Variants in SUN2 observed in about 807,000 individuals in gnomAD.
SUN2 encodes Sad1 and UNC84 domain containing 2.
A neutral mutation model predicts 100.0 loss-of-function variants in SUN2; 60 were observed. The ratio of observed to expected loss-of-function variants is 0.60; its 90% CI spans 0.49 to 0.74. SUN2 has a LOEUF of 0.74. Among genes scored for constraint, SUN2 ranks in the 30% least tolerant of loss-of-function variants. The pLI is 0.00. For synonymous variants in SUN2, 367 were observed against 403.3 expected (o/e 0.91, Z 1.08); for missense variants, 834 against 954.6 (o/e 0.87, Z 1.66).
At position 38,740,995 on chromosome 22, in the gene SUN2, G is replaced by A; in HGVS notation, c.1190+12C>T. ...GAGGAGCAGGCCGAGGCCAGCTGGT[G>A]GCGCCCAGTACCTTTGCCACTCTGA... On this transcript the variant is annotated intron_variant, in intron 11 of 17. Coordinates refer to ENST00000689035, the MANE Select transcript of SUN2 (RefSeq NM_015374.3). The surrounding 1 kb of genome is among the most constrained non-coding windows in gnomAD (Gnocchi z 4.8). 6.3e-7 allele frequency: 1 copy of A among 1,587,954 alleles called. No individual in the cohort carries two copies. Among genetic ancestry groups the A allele is most frequent in the Non-Finnish European group, 8.6e-7 (1 of 1,167,286 alleles).
At chr22:38,750,362 G>A (rs375926523) in intron 4 of SUN2, 42 bp from the exon 5 acceptor site, 6 of 1,610,650 alleles carry the variant, frequency 3.7e-6, no homozygotes, top group South Asian at 1.1e-5. Flanking sequence ...TGTCACTTTC[G>A]AGCCTCTTCC....
Position 38,738,211 on chromosome 22 carries a change from CG to C in SUN2, c.2001del (p.Tyr667Ter). 6.2e-7 allele frequency: 1 copy of C among 1,613,956 alleles called. No individual in the cohort carries two copies. The highest frequency in any genetic ancestry group is 8.5e-7 in the Non-Finnish European group (1 of 1,180,000). ...QEGTLLGKFT[Y>X]DQDGEPIQTF... is the part of the protein sequence containing the mutation. ...GTCTGAATAGGCTCGCCGTCCTGAT[CG>C]TAAGTGAACTTGCCAAGGAGTGTCC... is the stretch of plus-strand genomic sequence containing the variant. On this transcript the variant is annotated frameshift_variant, in exon 17 of 18. Coordinates refer to ENST00000689035, the MANE Select transcript of SUN2 (RefSeq NM_015374.3). LOFTEE classifies it high-confidence loss of function. This position sits in a 1 kb window ranked among gnomAD's most constrained non-coding sequence, Gnocchi z 6.6.
At chr22:38,752,370 ACGGGGGCCCACGTCCTT>A in intron 2 of SUN2, 120 bp downstream of exon 2, 1 of 1,077,854 alleles carries the variant, frequency 9.3e-7, no homozygotes, top group Non-Finnish European at 1.3e-6. Context: ...CCTCGACCGG[ACGGGGGCCCACGTCCTT>A]CGATTTCCAC....
chr22:38,745,257 C>T (rs2092894269), intron 8 of SUN2: 1 of 461,806 alleles, frequency 2.2e-6, no homozygotes, highest in Admixed American at 2.4e-5. Context: ...CTGACCCCCC[C>T]AGCCAACTGC....
chr22:38,751,957 T>G (rs1244189687), intron 2 of SUN2, among the ~76,000 whole-genome samples: 4 of 152,216 alleles, frequency 2.6e-5, no homozygotes, highest in Non-Finnish European at 5.9e-5. Context: ...CTCCACTTCC[T>G]GTTTTCTTTC....
rs765349723 is a variant in SUN2, at chr22:38,739,898, C to T, written c.1402G>A (p.Gly468Ser). The change falls in exon 13 of 18, where the codon GGT (glycine) becomes AGT (serine). Residue 468 changes from glycine (G) to serine (S), a missense_variant. Gly to Ser is a moderately conservative substitution (Grantham distance 56, BLOSUM62 0). Coordinates refer to ENST00000689035, the MANE Select transcript of SUN2 (RefSeq NM_015374.3). The surrounding 1 kb of genome is among the most constrained non-coding windows in gnomAD (Gnocchi z 6.7). ...AGGAGCCCCACGCGGCCCCCTCCAC[C>T]TCGGGCAAGGAACTGACTGATCCAG... ...PAWISQFLAR[G>S]GGGRVGLLQR... is the part of the protein sequence containing the mutation. The T allele has an allele frequency of 3.1e-6, 5 of 1,612,936 alleles. No homozygotes were observed. In the South Asian group the frequency reaches 3.3e-5, roughly 11 times the overall value.
Position 38,748,788 on chromosome 22 carries a change from A to G in SUN2, c.615-5T>C. ...GTCTTCAGGGACGAGAAGCGCCTGG[A>G]CCACGCGGGAGGGCAGGACGGGGGA... is the stretch of plus-strand genomic sequence containing the variant. On this transcript the variant is annotated splice_region_variant and splice_polypyrimidine_tract_variant and intron_variant, in intron 6 of 17. Transcript: ENST00000689035. The G allele has an allele frequency of 6.2e-7, 1 of 1,614,176 alleles. No homozygotes were observed. Among genetic ancestry groups the G allele is most frequent in the Non-Finnish European group, 8.5e-7 (1 of 1,180,028 alleles).
intron 8 of SUN2, among the ~76,000 whole-genome samples, chr22:38,744,154 C>T (rs887147250): frequency 2.0e-5 from 3 of 150,890 alleles, no homozygotes; most frequent in African/African-American, 4.9e-5. Context: ...GCGGGAGAAT[C>T]GCTTGAACCC....
intron 9 of SUN2, 34 bp from the exon 10 acceptor site, chr22:38,741,605 G>C (rs2092858540): frequency 4.4e-6 from 7 of 1,601,162 alleles, no homozygotes; most frequent in Non-Finnish European, 5.1e-6. Context: ...AGGTTGGACA[G>C]AGCCATGCTT....
chr22:38,747,708 C>T (rs147358085), intron 7 of SUN2, among the ~76,000 whole-genome samples: 181 of 152,238 alleles, frequency 1.2e-3, no homozygotes, highest in Middle Eastern at 6.8e-3. Flanking sequence ...TTTGGGAGGC[C>T]GAGGTGGGTG....
Position 38,738,310 on chromosome 22 carries a change from G to GAACA in SUN2, c.1948-49_1948-46dup. On this transcript the variant is annotated intron_variant, in intron 16 of 17. Transcript: ENST00000689035. The surrounding 1 kb of genome is among the most constrained non-coding windows in gnomAD (Gnocchi z 6.6). ...AAGTGGGGAGGGGCTGGAGCAGGGA[G>GAACA]AACACCCCTCCCCACTCCAATCCCT... 6.6e-7 allele frequency: 1 copy of GAACA among 1,521,012 alleles called. No homozygotes were observed. Among genetic ancestry groups the GAACA allele is most frequent in the Non-Finnish European group, 9.1e-7 (1 of 1,100,214 alleles). 94.2% of individuals were successfully genotyped at this position (1,521,012 alleles called of 1,614,324 possible). A position where few individuals can be genotyped will look rare whatever the true frequency, so the allele number is the denominator to read the frequency against.
Position 38,755,589 on chromosome 22 carries a change from A to C in SUN2, c.-38+174T>G, listed in dbSNP as rs941157020. 1 of 936,516 alleles carries C rather than the reference A, an allele frequency of 1.1e-6. No homozygotes were observed. Among genetic ancestry groups the C allele is most frequent in the Non-Finnish European group, 1.3e-6 (1 of 785,310 alleles). 58.0% of individuals were successfully genotyped at this position (936,516 alleles called of 1,614,324 possible). A position where few individuals can be genotyped will look rare whatever the true frequency, so the allele number is the denominator to read the frequency against. On this transcript the variant is annotated intron_variant, in intron 1 of 17. Coordinates refer to ENST00000689035, the MANE Select transcript of SUN2 (RefSeq NM_015374.3). This position sits in a 1 kb window ranked among gnomAD's most constrained non-coding sequence, Gnocchi z 5.7. ...CGCGGCAGGCGGGGCGGGGGCCAGG[A>C]GGTGAGTCAGGGCGCGGGCCGCGGA...
chr22:38,738,271 AAG>A lies in SUN2; in HGVS notation c.1948-8_1948-7del. On this transcript the variant is annotated splice_region_variant and splice_polypyrimidine_tract_variant and intron_variant, in intron 16 of 17. Coordinates refer to ENST00000689035, the MANE Select transcript of SUN2 (RefSeq NM_015374.3). This position sits in a 1 kb window ranked among gnomAD's most constrained non-coding sequence, Gnocchi z 6.6. ...TGCAGGTCTTCGTCAAACCCCTGCA[AAG>A]AGAGCGGAGGGAAGTGGGGAGGGGC... 6.2e-7 allele frequency: 1 copy of A among 1,612,798 alleles called. No homozygotes were observed. Among genetic ancestry groups the A allele is most frequent in the Non-Finnish European group, 8.5e-7 (1 of 1,179,156 alleles).
Position 38,740,191 on chromosome 22 carries a change from GC to G in SUN2, c.1356+75del. 1 of 1,447,288 alleles carries G rather than the reference GC, an allele frequency of 6.9e-7. No homozygotes were observed. The allele number at this position is 1,447,288 out of a possible 1,614,324, so 89.7% of individuals were successfully genotyped here. A position where few individuals can be genotyped will look rare whatever the true frequency, so the allele number is the denominator to read the frequency against. ...AGAGGCTGCAGGGGCAAGGGGTGCT[GC>G]TTTGCAGGCCCCAGGACACGTCGTC... On this transcript the variant is annotated intron_variant, in intron 12 of 17. Transcript: ENST00000689035. The surrounding 1 kb of genome is among the most constrained non-coding windows in gnomAD (Gnocchi z 4.8).
chr22:38,749,696 T>C, intron 6 of SUN2, 70 bp downstream of exon 6: 1 of 1,409,514 alleles, frequency 7.1e-7, no homozygotes, highest in Non-Finnish European at 1.0e-6. Flanking sequence ...CCATTACAGG[T>C]TGACACACTT....
rs1291250762 is a variant in SUN2, at chr22:38,738,370, G to T, written c.1948-105C>A. The T allele has an allele frequency of 4.3e-6, 5 of 1,156,340 alleles. No individual in the cohort carries two copies. In the Admixed American group the frequency reaches 8.6e-5, roughly 20 times the overall value. 71.6% of individuals were successfully genotyped at this position (1,156,340 alleles called of 1,614,324 possible). A position where few individuals can be genotyped will look rare whatever the true frequency, so the allele number is the denominator to read the frequency against. ...ACCCAGCAGGTCAGGCACCAGAGTG[G>T]CCTATGACAAGTCACTTCACTCTCT... On this transcript the variant is annotated intron_variant, in intron 16 of 17. Transcript: ENST00000689035. This position sits in a 1 kb window ranked among gnomAD's most constrained non-coding sequence, Gnocchi z 6.6.
Position 38,741,477 on chromosome 22 carries a change from G to A in SUN2, c.1146+17C>T. The A allele has an allele frequency of 1.2e-6, 2 of 1,613,168 alleles. No individual in the cohort carries two copies. The highest frequency in any genetic ancestry group is 1.7e-6 in the Non-Finnish European group (2 of 1,179,718). Reference sequence around the variant, plus strand: ...CAGGACCCAGTCACAGGCCCTGAGTGCCGCAAGCCCGCTGACCTGGGAGGC... The same window carrying A: ...CAGGACCCAGTCACAGGCCCTGAGTACCGCAAGCCCGCTGACCTGGGAGGC... On this transcript the variant is annotated intron_variant, in intron 10 of 17. Transcript: ENST00000689035.
intron 2 of SUN2, among the ~76,000 whole-genome samples, chr22:38,752,258 C>A (rs1448667895): frequency 6.6e-6 from 1 of 152,188 alleles, no homozygotes; most frequent in African/African-American, 2.4e-5. Context: ...GCCCGACCTA[C>A]CACTTCCTGT....
chr22:38,755,210 CT>C lies in SUN2; in HGVS notation c.-38+552del, dbSNP rs35068333. The C allele has an allele frequency of 8.5e-7, 1 of 1,180,942 alleles. No homozygotes were observed. The highest frequency in any genetic ancestry group is 1.1e-6 in the Non-Finnish European group (1 of 937,130). 73.2% of individuals were successfully genotyped at this position (1,180,942 alleles called of 1,614,324 possible). On this transcript the variant is annotated intron_variant, in intron 1 of 17. Coordinates refer to ENST00000689035, the MANE Select transcript of SUN2 (RefSeq NM_015374.3). This position sits in a 1 kb window ranked among gnomAD's most constrained non-coding sequence, Gnocchi z 5.7. ...CCTGGGCACAGCCAGGCCACACGCC[CT>C]TGTGGGACCTGCCAAACGCCCGGTG...
Sources: gnomAD v4.1 joint callset for allele counts (sites outside exome capture counted in the v4.1 genomes callset) on GRCh38, gnomAD v4.1.1 for gene constraint, Gnocchi (gnomAD v3.1) non-coding constraint, MANE v1.5 for transcripts, NCBI Gene and HGNC (gene_info 2026-07-23, HGNC 2026-07-21) for gene names.